The following FHIP2A variants were observed in gnomAD, a reference collection of about 807,000 sequenced individuals.
FHIP2A encodes FHF complex subunit HOOK interacting protein 2A, also known as family with sequence similarity 160 member B1.
Under a neutral mutation model 93.5 loss-of-function variants are expected in FHIP2A, and 46 were observed. That is an observed-to-expected ratio of 0.49 (90% confidence interval 0.39 to 0.63). FHIP2A has a LOEUF of 0.63. FHIP2A is among the 20% of genes least tolerant of loss of function. FHIP2A has a pLI of 0.00. For missense variants in FHIP2A, 769 were observed against 909.7 expected (o/e 0.85, Z 1.99); for synonymous variants, 332 against 326.5 (o/e 1.02, Z -0.18).
At chr10:114,866,024 A>T (rs981730309), downstream of FHIP2A, among the ~76,000 whole-genome samples, 1 of 151,946 alleles carries the variant, frequency 6.6e-6, no homozygotes, top group East Asian at 1.9e-4. Flanking sequence ...CAGATTTGTT[A>T]TATAGGTAAA....
In FHIP2A at chr10:114,845,379, T is replaced by C. The variant is rs1227459574; in HGVS notation, c.1026T>C (p.Tyr342=). Residue 342 remains tyrosine (Y), a synonymous_variant, in exon 8 of 17, where the codon TAT becomes TAC. Transcript: ENST00000369248. ...VEAINWGLDS[Y]SHKEDASAFP... is the part of the protein sequence containing the mutation. The stretch of plus-strand genomic sequence containing the variant: ...CCTTGTCTTACAGCTTGGACTCATA[T>C]AGTCATAAAGAAGATGCTTCAGCAT... The C allele has an allele frequency of 1.2e-6, 2 of 1,604,640 alleles. No individual in the cohort carries two copies. The highest frequency in any genetic ancestry group is 1.1e-5 in the South Asian group (1 of 90,854).
chr10:114,850,670 A>G (rs921388782), intron 13 of FHIP2A, among the ~76,000 whole-genome samples: 1 of 152,214 alleles, frequency 6.6e-6, no homozygotes, highest in Non-Finnish European at 1.5e-5. Context: ...ACTGCACTCC[A>G]GCCTGGGCAA....
In FHIP2A at chr10:114,847,233, G is replaced by A; in HGVS notation, c.1712G>A (p.Ser571Asn). The A allele has an allele frequency of 6.3e-7, 1 of 1,598,634 alleles. No individual in the cohort carries two copies. Among genetic ancestry groups the A allele is most frequent in the South Asian group, 1.1e-5 (1 of 87,214 alleles). ...GKTEVHKIVNSFLCLVPDDAK... is the reference protein window; with the variant it reads ...GKTEVHKIVNNFLCLVPDDAK... Reference sequence around the variant, plus strand: ...ACTGAAGTTCATAAAATTGTAAATAGGTGAGTTGCTATATAAAATTTGACT... The same window carrying A: ...ACTGAAGTTCATAAAATTGTAAATAAGTGAGTTGCTATATAAAATTTGACT... The change falls in exon 12 of 17, where the codon AGT becomes AAT. Residue 571 changes from serine (S) to asparagine (N), a missense_variant and splice_region_variant. Transcript: ENST00000369248.
chr10:114,875,123 T>A (rs1446934523), intron 16 of FHIP2A, among the ~76,000 whole-genome samples: 1 of 152,180 alleles, frequency 6.6e-6, no homozygotes, highest in Non-Finnish European at 1.5e-5. Context: ...CAGGCCGCTC[T>A]GCAGCCCTGG....
chr10:114,888,228 G>C (rs2083952810), intron 16 of FHIP2A, among the ~76,000 whole-genome samples: 1 of 152,152 alleles, frequency 6.6e-6, no homozygotes, highest in African/African-American at 2.4e-5. Flanking sequence ...ATTCCTTGTT[G>C]GTTTCTATAA....
At chr10:114,875,914 A>AAG (rs2083885879) in intron 16 of FHIP2A, among the ~76,000 whole-genome samples, 1 of 90,960 alleles carries the variant, frequency 1.1e-5, no homozygotes, top group South Asian at 4.1e-4. Flanking sequence ...AAGAAAGAGA[A>AAG]AGAAAGAAAG....
intron 16 of FHIP2A, among the ~76,000 whole-genome samples, chr10:114,892,905 G>T (rs2083982824): frequency 6.6e-6 from 1 of 152,090 alleles, no homozygotes. Context: ...TGTTTCTTTT[G>T]TAGCTCTATA....
intron 5 of FHIP2A, among the ~76,000 whole-genome samples, chr10:114,840,966 C>T (rs2083665078): frequency 6.6e-6 from 1 of 152,108 alleles, no homozygotes. Flanking sequence ...AGAAGGGGAA[C>T]AGTTTTAGTA....
intron 5 of FHIP2A, among the ~76,000 whole-genome samples, chr10:114,837,439 C>T (rs1443615511): frequency 2.6e-5 from 4 of 152,142 alleles, no homozygotes; most frequent in Non-Finnish European, 5.9e-5. Flanking sequence ...CCCTTGAACC[C>T]GGGAGGTGGA....
intron 16 of FHIP2A, among the ~76,000 whole-genome samples, chr10:114,876,639 C>A (rs78232190): frequency 0.011 from 1,731 of 152,262 alleles, 36 homozygotes; most frequent in African/African-American, 0.04. Context: ...AGGAATGGGA[C>A]CTGCCGGGAG....
At chr10:114,830,792 T>C (rs925141440) in intron 1 of FHIP2A, 60 bp from the exon 2 acceptor site, 2 of 1,147,958 alleles carry the variant, frequency 1.7e-6, no homozygotes, top group Middle Eastern at 2.0e-4. Flanking sequence ...TACAGAGTTA[T>C]AAGTTATGGG....
chr10:114,866,088 C>G (rs1483519428), downstream of FHIP2A, among the ~76,000 whole-genome samples: 2 of 151,982 alleles, frequency 1.3e-5, no homozygotes, highest in Admixed American at 6.6e-5. Flanking sequence ...GGTATTAAGC[C>G]CCACATGCAT....
At chr10:114,860,946 G>T in intron 15 of FHIP2A, 57 bp downstream of exon 15, 2 of 1,491,332 alleles carry the variant, frequency 1.3e-6, no homozygotes, top group Non-Finnish European at 1.9e-6. Flanking sequence ...CAATTAATAT[G>T]TTAATATCAT....
Position 114,843,180 on chromosome 10 carries a change from A to C in FHIP2A, c.770A>C (p.Gln257Pro). 6.2e-7 allele frequency: 1 copy of C among 1,613,952 alleles called. No homozygotes were observed. Among genetic ancestry groups the C allele is most frequent in the Non-Finnish European group, 8.5e-7 (1 of 1,179,920 alleles). ...GAGGCCTCGGTTGTTTGTCCAAATC[A>C]GGATTACAATTTAGTGAATTCTTTG... ...LPEASVVCPNQDYNLVNSLLN... is the reference protein window; with the variant it reads ...LPEASVVCPNPDYNLVNSLLN... The change falls in exon 6 of 17, where the codon CAG becomes CCG. Residue 257 changes from glutamine (Q) to proline (P), a missense_variant. Physicochemically the swap from Gln to Pro is moderately conservative, Grantham distance 76. Transcript: ENST00000369248.
chr10:114,853,775 G>C (rs1223759599), intron 13 of FHIP2A, among the ~76,000 whole-genome samples: 2 of 152,182 alleles, frequency 1.3e-5, no homozygotes, highest in Non-Finnish European at 2.9e-5. Context: ...GAGGCGGGCA[G>C]ATCACTTGAG....
chr10:114,885,515 A>C (rs2083938758), intron 16 of FHIP2A, among the ~76,000 whole-genome samples: 1 of 152,170 alleles, frequency 6.6e-6, no homozygotes, highest in Non-Finnish European at 1.5e-5. Context: ...CACTTAGTCA[A>C]TATTAATTAA....
chr10:114,841,724 A>C (rs1424388500), intron 5 of FHIP2A, among the ~76,000 whole-genome samples: 2 of 152,220 alleles, frequency 1.3e-5, no homozygotes, highest in Non-Finnish European at 2.9e-5. Context: ...TTTTAACAGC[A>C]ATAAAAGTGA....
rs116807798 is a variant in FHIP2A, at chr10:114,864,015, A to G, written c.*2475A>G. 1,173 of 999,120 alleles carry G rather than the reference A, an allele frequency of 1.2e-3. 11 individuals carry two copies. The African/African-American group carries it at 0.02, about 17-fold the overall frequency. The allele number at this position is 999,120 out of a possible 1,614,324, so 61.9% of individuals were successfully genotyped here. On this transcript the variant is annotated 3_prime_UTR_variant, in exon 17 of 17. Transcript: ENST00000369248. Reference sequence around the variant, plus strand: ...GCCATATAGTACTCACCTTATAACTATGTAACTTTCTCGTAATGTATCTGT... The same window carrying G: ...GCCATATAGTACTCACCTTATAACTGTGTAACTTTCTCGTAATGTATCTGT...
Position 114,878,893 on chromosome 10 carries a change from A to G in FHIP2A, c.2192+17559A>G, listed in dbSNP as rs74599725. Among the ~76,000 whole-genome samples the G allele has an allele frequency of 3.1e-3, 476 of 152,196 alleles. 1 individual carries two copies. Among genetic ancestry groups the G allele is most frequent in the African/African-American group, 0.01 (435 of 41,530 alleles). On this transcript the variant is annotated intron_variant, in intron 16 of 16. Coordinates refer to the FHIP2A transcript ENST00000369250. Reference sequence around the variant, plus strand: ...CTCTTTCTTGGCTTTTGCATAGGACACACTATGTTACGAGCTATGTGGGGA... The same window carrying G: ...CTCTTTCTTGGCTTTTGCATAGGACGCACTATGTTACGAGCTATGTGGGGA...
Sources: gnomAD v4.1 joint callset for allele counts (sites outside exome capture counted in the v4.1 genomes callset) on GRCh38, gnomAD v4.1.1 for gene constraint, MANE v1.5 for transcripts, NCBI Gene and HGNC (gene_info 2026-07-23, HGNC 2026-07-21) for gene names.